The following PALM variants were observed in gnomAD, a reference collection of about 807,000 sequenced individuals.
PALM encodes paralemmin-1.
Under a neutral mutation model 30.7 loss-of-function variants are expected in PALM, and 18 were observed. The observed-to-expected ratio is 0.59, with a 90% confidence interval of 0.41 to 0.87. The LOEUF is 0.87. Among genes scored for constraint, PALM ranks in the 40% least tolerant of loss-of-function variants. The pLI, the probability that PALM is intolerant of heterozygous loss-of-function variation, is 0.00. For missense variants in PALM, 529 were observed against 555.4 expected (o/e 0.95, Z 0.48); for synonymous variants, 286 against 242.8 (o/e 1.18, Z -1.66).
intron 4 of PALM, among the ~76,000 whole-genome samples, chr19:728,256 C>T (rs995153880): frequency 3.3e-5 from 5 of 152,116 alleles, no homozygotes; most frequent in Non-Finnish European, 2.9e-5. Context: ...TTCCGGCGGG[C>T]GGGAGGCCCA....
At chr19:740,553 GT>G in intron 8 of PALM, 70 bp downstream of exon 8, 1 of 1,424,856 alleles carries the variant, frequency 7.0e-7, no homozygotes, top group Non-Finnish European at 9.5e-7. Flanking sequence ...CTCCCAGCGT[GT>G]GGGTCTGGCG....
chr19:729,934 A>G (rs910357979), intron 4 of PALM, among the ~76,000 whole-genome samples: 6 of 152,140 alleles, frequency 3.9e-5, no homozygotes, highest in African/African-American at 1.4e-4. Flanking sequence ...GGCTGGGCAC[A>G]CTGGTGTTCT....
chr19:714,182 G>A (rs1329304918), intron 1 of PALM, among the ~76,000 whole-genome samples: 1 of 150,684 alleles, frequency 6.6e-6, no homozygotes, highest in African/African-American at 2.4e-5. Flanking sequence ...TGGGATTACA[G>A]GCGTGAGCCA....
intron 1 of PALM, among the ~76,000 whole-genome samples, chr19:723,977 G>A (rs546027655): frequency 2.0e-5 from 3 of 152,114 alleles, no homozygotes; most frequent in Non-Finnish European, 4.4e-5. Context: ...GAGGGTTTGG[G>A]TGGCAAAGCT....
intron 1 of PALM, among the ~76,000 whole-genome samples, chr19:712,115 C>T (rs953960490): frequency 7.2e-5 from 11 of 151,920 alleles, no homozygotes; most frequent in Non-Finnish European, 1.5e-4. Context: ...CTCCGCCTCC[C>T]GGGTTCAAGC....
chr19:721,131 G>A (rs1375341065), intron 1 of PALM, among the ~76,000 whole-genome samples: 1 of 152,190 alleles, frequency 6.6e-6, no homozygotes, highest in Non-Finnish European at 1.5e-5. Flanking sequence ...AGGAGGCTTG[G>A]TGCATAGCCA....
chr19:712,598 T>C (rs1365910301), intron 1 of PALM, among the ~76,000 whole-genome samples: 1 of 151,636 alleles, frequency 6.6e-6, no homozygotes, highest in Non-Finnish European at 1.5e-5. Context: ...TTAGCCAGGA[T>C]GGTCTCAATC....
chr19:717,087 G>T (rs144982532), intron 1 of PALM, among the ~76,000 whole-genome samples: 2 of 152,044 alleles, frequency 1.3e-5, no homozygotes, highest in Non-Finnish European at 2.9e-5. Context: ...GTGCCACCAC[G>T]CCCGGCTAAT....
chr19:734,342 C>A (rs769294406), intron 6 of PALM, 148 bp downstream of exon 6: 4 of 709,062 alleles, frequency 5.6e-6, no homozygotes, highest in Non-Finnish European at 9.6e-6. Context: ...GGTAGATCTC[C>A]TGAGGTCAGG....
intron 4 of PALM, among the ~76,000 whole-genome samples, chr19:730,037 T>G (rs1233718756): frequency 2.0e-5 from 3 of 152,212 alleles, no homozygotes; most frequent in African/African-American, 7.2e-5. Context: ...GGCTTCAGCT[T>G]CACCCCTCCC....
At position 742,412 on chromosome 19, in the gene PALM, C is replaced by T. The variant is rs1023869236; in HGVS notation, c.634+1929C>T. Among the ~76,000 whole-genome samples the T allele has an allele frequency of 1.3e-5, 2 of 152,142 alleles. No individual in the cohort carries two copies. Among genetic ancestry groups the T allele is most frequent in the Non-Finnish European group, 2.9e-5 (2 of 68,036 alleles). On this transcript the variant is annotated intron_variant, in intron 8 of 8. Coordinates refer to ENST00000338448, the MANE Select transcript of PALM (RefSeq NM_002579.3). The surrounding 1 kb of genome is among the most constrained non-coding windows in gnomAD (Gnocchi z 5.5). ...CTGAGGTCAGGAGTTCGAGACCAGC[C>T]TGGCCAACATGGAGAACCCCCGTCT...
chr19:742,474 G>A lies in PALM; in HGVS notation c.634+1991G>A, dbSNP rs1004922550. The stretch of plus-strand genomic sequence containing the variant: ...ACAAAAATTAGCTGGACGTGGTGGC[G>A]GACGCCTGTAATCCCAGATACTTTG... On this transcript the variant is annotated intron_variant, in intron 8 of 8. Transcript: ENST00000338448. This position sits in a 1 kb window ranked among gnomAD's most constrained non-coding sequence, Gnocchi z 5.5. Among the ~76,000 whole-genome samples the A allele has an allele frequency of 3.3e-5, 5 of 152,094 alleles. No individual in the cohort carries two copies. Among genetic ancestry groups the A allele is most frequent in the Admixed American group, 2.6e-4 (4 of 15,248 alleles).
chr19:729,520 C>T (rs112248761), intron 4 of PALM, among the ~76,000 whole-genome samples: 28 of 126,320 alleles, frequency 2.2e-4, no homozygotes, highest in Middle Eastern at 0.013. Flanking sequence ...GGCTGGAGTG[C>T]GGTGGCGCGA....
At chr19:716,538 G>C (rs1008332772) in intron 1 of PALM, among the ~76,000 whole-genome samples, 1 of 152,218 alleles carries the variant, frequency 6.6e-6, no homozygotes, top group Non-Finnish European at 1.5e-5. Flanking sequence ...GGTGGGCAGA[G>C]GCTGTGGGCA....
intron 1 of PALM, among the ~76,000 whole-genome samples, chr19:723,177 C>G (rs772604291): frequency 6.6e-6 from 1 of 152,114 alleles, no homozygotes; most frequent in Non-Finnish European, 1.5e-5. Flanking sequence ...GGCCTTAGAG[C>G]TGCAGGCATC....
At chr19:720,153 C>T (rs764576168) in intron 1 of PALM, among the ~76,000 whole-genome samples, 2 of 151,740 alleles carry the variant, frequency 1.3e-5, no homozygotes, top group African/African-American at 2.4e-5. Context: ...AAGCCTCGGC[C>T]CCCCCCAATC....
chr19:735,201 GC>G (rs1289065745), intron 6 of PALM: 1 of 131,448 alleles, frequency 7.6e-6, no homozygotes, highest in Non-Finnish European at 1.6e-5. Context: ...GGGCCCAGGT[GC>G]CTGTGTCCTG....
chr19:742,776 G>A lies in PALM; in HGVS notation c.634+2293G>A. ...TGAATACTATTCCACGGGTTGGGTGGGCCATGGTGGGTTTATCCCTTCTTC... is the reference window on the plus strand; with the variant it reads ...TGAATACTATTCCACGGGTTGGGTGAGCCATGGTGGGTTTATCCCTTCTTC... On this transcript the variant is annotated intron_variant, in intron 8 of 8. Transcript: ENST00000338448. This position sits in a 1 kb window ranked among gnomAD's most constrained non-coding sequence, Gnocchi z 5.5. Among the ~76,000 whole-genome samples the A allele has an allele frequency of 6.6e-6, 1 of 152,104 alleles. No individual in the cohort carries two copies. The highest frequency in any genetic ancestry group is 1.9e-4 in the East Asian group (1 of 5,190).
At chr19:713,249 G>C (rs1056712038) in intron 1 of PALM, among the ~76,000 whole-genome samples, 32 of 152,108 alleles carry the variant, frequency 2.1e-4, no homozygotes, top group African/African-American at 5.8e-4. Context: ...AACACAGACG[G>C]TGGCCTTGTC....
Sources: gnomAD v4.1 joint callset for allele counts (sites outside exome capture counted in the v4.1 genomes callset) on GRCh38, gnomAD v4.1.1 for gene constraint, Gnocchi (gnomAD v3.1) non-coding constraint, MANE v1.5 for transcripts, NCBI Gene and HGNC (gene_info 2026-07-23, HGNC 2026-07-21) for gene names.